The following ZFAND1 variants were observed in gnomAD, a reference collection of about 807,000 sequenced individuals.
ZFAND1 encodes zinc finger AN1-type containing 1.
ZFAND1 carries 40 observed loss-of-function variants against 38.5 expected under a neutral mutation model. The observed-to-expected ratio is 1.04, with a 90% CI of 0.81 to 1.35. The LOEUF (loss-of-function observed/expected upper bound fraction) is 1.35. Among genes scored for constraint, ZFAND1 ranks in the 40% most tolerant of loss-of-function variants. The pLI is 0.00. For synonymous variants in ZFAND1, 117 were observed against 103.6 expected, an observed-to-expected ratio of 1.13 and a Z score of -0.78; for missense variants, 346 against 316.3, an observed-to-expected ratio of 1.09 and a Z score of -0.71.
At chr8:81,704,107 CAA>C (rs11365036) in intron 6 of ZFAND1, among the ~76,000 whole-genome samples, 9 of 147,456 alleles carry the variant, frequency 6.1e-5, no homozygotes, top group South Asian at 2.1e-4. Flanking sequence ...ACATTAAAAA[CAA>C]AAAAAAAAAA....
At chr8:81,707,203 C>A (rs188376807) in intron 6 of ZFAND1, among the ~76,000 whole-genome samples, 1 of 152,280 alleles carries the variant, frequency 6.6e-6, no homozygotes, top group Non-Finnish European at 1.5e-5. Context: ...GGATGTTTTG[C>A]ATGCATTACT....
chr8:81,716,520 A>G (rs760607621), intron 3 of ZFAND1, among the ~76,000 whole-genome samples: 1 of 152,228 alleles, frequency 6.6e-6, no homozygotes, highest in Non-Finnish European at 1.5e-5. Context: ...GGTTGTCTTA[A>G]GTCGACTGAG....
intron 6 of ZFAND1, among the ~76,000 whole-genome samples, chr8:81,706,456 G>A (rs1256638920): frequency 6.9e-6 from 1 of 145,680 alleles, no homozygotes; most frequent in African/African-American, 2.5e-5. Flanking sequence ...AAAAAAAGAT[G>A]ATGGGATAGG....
chr8:81,714,108 T>A, intron 5 of ZFAND1, 69 bp from the exon 6 acceptor site: 1 of 1,386,224 alleles, frequency 7.2e-7, no homozygotes, highest in Non-Finnish European at 9.7e-7. Flanking sequence ...ATAATACACT[T>A]ATTAATTATG....
chr8:81,721,252 G>A lies in ZFAND1; in HGVS notation c.30C>T (p.Cys10=). 1 of 1,549,316 alleles carries A rather than the reference G, an allele frequency of 6.5e-7. No individual in the cohort carries two copies. Among genetic ancestry groups the A allele is most frequent in the Non-Finnish European group, 8.7e-7 (1 of 1,147,226 alleles). MAELDIGQH[C]QVEHCRQRDF... Reference sequence around the variant, plus strand: ...CTCGCTGCCGGCAATGCTCCACCTGGCAGTGCTGCCCGATGTCCAACTCCG... The same window carrying A: ...CTCGCTGCCGGCAATGCTCCACCTGACAGTGCTGCCCGATGTCCAACTCCG... The change falls in exon 1 of 8, where the codon TGC becomes TGT. Residue 10 remains cysteine (C), a synonymous_variant. Transcript: ENST00000220669.
At chr8:81,719,135 TACA>T (rs1205187249) in intron 1 of ZFAND1, among the ~76,000 whole-genome samples, 3 of 151,944 alleles carry the variant, frequency 2.0e-5, no homozygotes, top group Admixed American at 6.6e-5. Flanking sequence ...ATAAGAATAA[TACA>T]ACAATTAACT....
Position 81,701,897 on chromosome 8 carries a change from T to C in ZFAND1, c.*798A>G, listed in dbSNP as rs986453874. 6.6e-6 allele frequency: 1 copy of C among 152,206 alleles called. No homozygotes were observed. The highest frequency in any genetic ancestry group is 1.5e-5 in the Non-Finnish European group (1 of 68,026). 9.4% of individuals were successfully genotyped at this position (152,206 alleles called of 1,614,324 possible). A position where few individuals can be genotyped will look rare whatever the true frequency, so the allele number is the denominator to read the frequency against. ...AGTCAAGAATACTCGTCTAAATATGTTGGTAAAATGTAGTCATCATTTGGC... is the reference window on the plus strand; with the variant it reads ...AGTCAAGAATACTCGTCTAAATATGCTGGTAAAATGTAGTCATCATTTGGC... On this transcript the variant is annotated 3_prime_UTR_variant, in exon 8 of 8. Transcript: ENST00000220669.
intron 3 of ZFAND1, among the ~76,000 whole-genome samples, chr8:81,717,034 A>G (rs1808336431): frequency 6.6e-6 from 1 of 152,178 alleles, no homozygotes; most frequent in Non-Finnish European, 1.5e-5. Flanking sequence ...AAGGAATAAA[A>G]ATTATGAGGA....
intron 3 of ZFAND1, among the ~76,000 whole-genome samples, chr8:81,715,406 G>A (rs1359347444): frequency 6.6e-6 from 1 of 152,088 alleles, no homozygotes; most frequent in Non-Finnish European, 1.5e-5. Context: ...ATACAAAGGT[G>A]CCCCTATGAT....
chr8:81,714,033 T>C lies in ZFAND1; in HGVS notation c.365A>G (p.Lys122Arg). The change falls in exon 6 of 8, where the codon AAG becomes AGG. Residue 122 changes from lysine (K) to arginine (R), a missense_variant. Lys to Arg is a conservative substitution (Grantham distance 26). Transcript: ENST00000220669. ...QKLVKDIIDSKTGETASKRWK... is the reference protein window; with the variant it reads ...QKLVKDIIDSRTGETASKRWK... ...TCGTTTACTTGCTGTTTCTCCTGTC[T>C]TGGAATCTAAGAAGTGTAAGCATGT... The C allele has an allele frequency of 6.2e-7, 1 of 1,606,018 alleles. No individual in the cohort carries two copies.
chr8:81,703,184 C>T, intron 6 of ZFAND1, 60 bp from the exon 7 acceptor site: 6 of 1,238,014 alleles, frequency 4.8e-6, no homozygotes, highest in Non-Finnish European at 6.5e-6. Flanking sequence ...CAGTTTTTGT[C>T]TGGTGCCAAC....
At chr8:81,713,878 A>T in intron 6 of ZFAND1, 40 bp downstream of exon 6, 1 of 1,606,418 alleles carries the variant, frequency 6.2e-7, no homozygotes, top group Non-Finnish European at 8.5e-7. Flanking sequence ...CTTCAACTAT[A>T]TTTGAAATTT....
intron 6 of ZFAND1, among the ~76,000 whole-genome samples, chr8:81,706,292 T>C (rs1807976544): frequency 7.1e-6 from 1 of 139,938 alleles, no homozygotes; most frequent in Non-Finnish European, 1.5e-5. Context: ...TAGAGTTTAT[T>C]ACCAGAGACC....
At chr8:81,714,234 T>C in intron 5 of ZFAND1, 195 bp from the exon 6 acceptor site, 1 of 512,578 alleles carries the variant, frequency 2.0e-6, no homozygotes, top group Non-Finnish European at 3.2e-6. Flanking sequence ...ATCTAGGCAA[T>C]CTCCACATCA....
intron 6 of ZFAND1, chr8:81,708,788 C>G (rs1249443459): frequency 8.0e-7 from 1 of 1,256,674 alleles, no homozygotes; most frequent in Admixed American, 2.8e-5. Flanking sequence ...AGGCTCTTAC[C>G]AAGTTAGTGC....
chr8:81,705,845 G>T (rs1376019060), intron 6 of ZFAND1, among the ~76,000 whole-genome samples: 3 of 152,218 alleles, frequency 2.0e-5, no homozygotes, highest in Non-Finnish European at 4.4e-5. Context: ...TTGAACCGGG[G>T]AAGTAGAGGC....
rs1036748865 is a variant in ZFAND1, at chr8:81,721,289, G to C, written c.-8C>G. The C allele has an allele frequency of 3.9e-6, 6 of 1,548,146 alleles. No homozygotes were observed. In the East Asian group the frequency reaches 1.2e-4, roughly 32 times the overall value. Reference sequence around the variant, plus strand: ...GATGTCCAACTCCGCCATCTCTCCGGCGCCGTAAGGGGCGGGGCAAAGCCT... The same window carrying C: ...GATGTCCAACTCCGCCATCTCTCCGCCGCCGTAAGGGGCGGGGCAAAGCCT... On this transcript the variant is annotated 5_prime_UTR_variant, in exon 1 of 8. Coordinates refer to ENST00000220669, the MANE Select transcript of ZFAND1 (RefSeq NM_024699.3).
intron 5 of ZFAND1, chr8:81,714,404 G>A (rs2130425242): frequency 4.1e-6 from 1 of 241,052 alleles, no homozygotes; most frequent in Non-Finnish European, 8.1e-6. Flanking sequence ...ATACTGGCAG[G>A]CAGACTGATT....
intron 6 of ZFAND1, among the ~76,000 whole-genome samples, chr8:81,706,585 T>C (rs559458726): frequency 2.0e-5 from 3 of 152,038 alleles, no homozygotes; most frequent in Non-Finnish European, 2.9e-5. Flanking sequence ...TGTAAGCACA[T>C]AGTTGTTATC....
Sources: gnomAD v4.1 joint callset for allele counts (sites outside exome capture counted in the v4.1 genomes callset) on GRCh38, gnomAD v4.1.1 for gene constraint, MANE v1.5 for transcripts, NCBI Gene and HGNC (gene_info 2026-07-23, HGNC 2026-07-21) for gene names.